KCNMB2: variants seen among roughly 807,000 people sequenced by gnomAD.
The protein encoded by KCNMB2 is potassium calcium-activated channel subfamily M regulatory beta subunit 2.
A neutral mutation model predicts 24.5 loss-of-function variants in KCNMB2; 9 were observed. That is an observed-to-expected ratio of 0.37 (90% CI 0.22 to 0.64). The LOEUF (loss-of-function observed/expected upper bound fraction) is 0.64, where lower values mean the gene tolerates loss of function less well. KCNMB2 is among the 30% of genes least tolerant of loss of function. The pLI, the probability that KCNMB2 is intolerant of heterozygous loss-of-function variation, is 0.63. For synonymous variants in KCNMB2, 109 were observed against 104.4 expected, an observed-to-expected ratio of 1.04 and a Z score of -0.27; for missense variants, 226 against 284.3, an observed-to-expected ratio of 0.79 and a Z score of 1.47.
intron 2 of KCNMB2, among the ~76,000 whole-genome samples, chr3:178,810,531 T>A (rs1560030743): frequency 6.6e-6 from 1 of 152,194 alleles, no homozygotes; most frequent in South Asian, 2.1e-4. Flanking sequence ...AACCAAATGT[T>A]TTTTTGCTCA....
chr3:178,725,545 C>T (rs185929553), intron 1 of KCNMB2, among the ~76,000 whole-genome samples: 51 of 152,128 alleles, frequency 3.4e-4, no homozygotes, highest in Admixed American at 8.5e-4. Flanking sequence ...AGTAGCATTT[C>T]TATACACGTG....
chr3:178,757,168 G>A (rs545766389), intron 1 of KCNMB2: 21 of 142,114 alleles, frequency 1.5e-4, no homozygotes, highest in African/African-American at 4.6e-4. Flanking sequence ...AAGATTGATA[G>A]GTTCAAGAAG....
At chr3:178,614,333 G>GTA (rs56220619) in intron 1 of KCNMB2, among the ~76,000 whole-genome samples, 9,878 of 108,506 alleles carry the variant, frequency 0.091, 602 homozygotes, top group Middle Eastern at 0.22. Context: ...ATATATGTAT[G>GTA]TATATATATA....
chr3:178,607,996 A>C (rs776200764), intron 1 of KCNMB2, among the ~76,000 whole-genome samples: 4 of 152,322 alleles, frequency 2.6e-5, no homozygotes, highest in Non-Finnish European at 4.4e-5. Flanking sequence ...GGAGTAAAAG[A>C]GCTTAAAAAT....
intron 1 of KCNMB2, among the ~76,000 whole-genome samples, chr3:178,625,224 C>A (rs1039395155): frequency 6.6e-6 from 1 of 152,104 alleles, no homozygotes. Context: ...CAAGCCAGTG[C>A]CACAGGGCTT....
At chr3:178,725,965 T>C (rs1722955041) in intron 1 of KCNMB2, among the ~76,000 whole-genome samples, 1 of 151,950 alleles carries the variant, frequency 6.6e-6, no homozygotes, top group Non-Finnish European at 1.5e-5. Context: ...AATTTAGCTC[T>C]CCCATTTTAT....
At chr3:178,826,269 C>T (rs1306527779) in intron 3 of KCNMB2, among the ~76,000 whole-genome samples, 1 of 152,120 alleles carries the variant, frequency 6.6e-6, no homozygotes, top group Non-Finnish European at 1.5e-5. Flanking sequence ...CTTAAAAATG[C>T]TAATACCCAG....
intron 1 of KCNMB2, among the ~76,000 whole-genome samples, chr3:178,644,747 T>C (rs1218963303): frequency 1.3e-5 from 2 of 152,196 alleles, no homozygotes; most frequent in African/African-American, 4.8e-5. Context: ...AAACATGGTG[T>C]TACAGAAGAA....
intron 1 of KCNMB2, among the ~76,000 whole-genome samples, chr3:178,754,894 G>A (rs940218422): frequency 6.6e-6 from 1 of 152,180 alleles, no homozygotes; most frequent in Non-Finnish European, 1.5e-5. Flanking sequence ...TATGGGCTAT[G>A]AACAGACTAA....
chr3:178,732,054 G>T (rs1020981369), intron 1 of KCNMB2, among the ~76,000 whole-genome samples: 1 of 152,142 alleles, frequency 6.6e-6, no homozygotes, highest in Non-Finnish European at 1.5e-5. Context: ...ACCAAGGATT[G>T]CAAGGTAAAA....
intron 1 of KCNMB2, among the ~76,000 whole-genome samples, chr3:178,569,334 A>G (rs755543250): frequency 4.4e-4 from 67 of 152,190 alleles, no homozygotes; most frequent in Non-Finnish European, 6.2e-4. Context: ...GGTTAGAAAC[A>G]TAGCACATTC....
intron 1 of KCNMB2, among the ~76,000 whole-genome samples, chr3:178,773,957 A>G (rs888749607): frequency 9.2e-5 from 14 of 152,168 alleles, no homozygotes; most frequent in Non-Finnish European, 1.8e-4. Context: ...ACAAAAATGT[A>G]TTTTCTCACA....
chr3:178,785,732 T>G (rs947661337), intron 1 of KCNMB2, among the ~76,000 whole-genome samples: 1 of 152,128 alleles, frequency 6.6e-6, no homozygotes, highest in East Asian at 1.9e-4. Context: ...CTAAGTTTTA[T>G]AGAATTTTCT....
At position 178,644,380 on chromosome 3, in the gene KCNMB2, G is replaced by T. The variant is rs75024489; in HGVS notation, c.-68+107669G>T. Among the ~76,000 whole-genome samples the T allele has an allele frequency of 7.4e-3, 1,130 of 152,326 alleles. 13 individuals carry two copies. The highest frequency in any genetic ancestry group is 0.026 in the African/African-American group (1,097 of 41,568). On this transcript the variant is annotated intron_variant, in intron 1 of 4. Transcript: ENST00000452583. ...AAGATGTGAATTGGACCACAGGGCTGCTGATTTTCAAAGTCCATGTCCTCC... is the reference window on the plus strand; with the variant it reads ...AAGATGTGAATTGGACCACAGGGCTTCTGATTTTCAAAGTCCATGTCCTCC...
chr3:178,640,857 T>A (rs1719698683), intron 1 of KCNMB2, among the ~76,000 whole-genome samples: 1 of 151,668 alleles, frequency 6.6e-6, no homozygotes, highest in Non-Finnish European at 1.5e-5. Context: ...TTCAGTTAAA[T>A]TTTTTTTTAA....
rs1715528204 is a variant in KCNMB2, at chr3:178,844,226, C to A, written c.*1289C>A. On this transcript the variant is annotated 3_prime_UTR_variant, in exon 5 of 5. Transcript: ENST00000452583. ...ATCTTTCTCATCTATATTTAAGTACCTTTTTGTAATGTAGTATCAAAGTTT... is the reference window on the plus strand; with the variant it reads ...ATCTTTCTCATCTATATTTAAGTACATTTTTGTAATGTAGTATCAAAGTTT... 1 of 152,282 alleles carries A rather than the reference C, an allele frequency of 6.6e-6. No homozygotes were observed. The highest frequency in any genetic ancestry group is 1.5e-5 in the Non-Finnish European group (1 of 67,920). The allele number at this position is 152,282 out of a possible 1,614,324, so 9.4% of individuals were successfully genotyped here. A position where few individuals can be genotyped will look rare whatever the true frequency, so the allele number is the denominator to read the frequency against.
chr3:178,825,496 C>T, intron 2 of KCNMB2, 92 bp from the exon 3 acceptor site: 1 of 1,065,182 alleles, frequency 9.4e-7, no homozygotes, highest in South Asian at 1.5e-5. Context: ...GTTTGGAGGG[C>T]CCTAGGAAGG....
chr3:178,573,172 C>A (rs1716866716), intron 1 of KCNMB2, among the ~76,000 whole-genome samples: 1 of 152,010 alleles, frequency 6.6e-6, no homozygotes, highest in Non-Finnish European at 1.5e-5. Context: ...CCACACCCAG[C>A]AAATTTTTGT....
At chr3:178,772,249 G>A (rs1712400615) in intron 1 of KCNMB2, among the ~76,000 whole-genome samples, 4 of 152,288 alleles carry the variant, frequency 2.6e-5, no homozygotes, top group South Asian at 4.1e-4. Context: ...TGCCTTTTAT[G>A]TAGGTAGAAA....
Sources: gnomAD v4.1 joint callset for allele counts (sites outside exome capture counted in the v4.1 genomes callset) on GRCh38, gnomAD v4.1.1 for gene constraint, MANE v1.5 for transcripts, NCBI Gene and HGNC (gene_info 2026-07-23, HGNC 2026-07-21) for gene names.